The following DNM3 variants were observed in gnomAD, a reference collection of about 807,000 sequenced individuals.
The protein encoded by DNM3 is dynamin-3.
DNM3 carries 47 observed loss-of-function variants against 101.6 expected under a neutral mutation model. The observed-to-expected ratio is 0.46, with a 90% CI of 0.37 to 0.59. DNM3 has a LOEUF of 0.59. Ranked by LOEUF, DNM3 falls within the 20% of genes least tolerant of loss-of-function variation. The pLI is 0.00. For missense variants in DNM3, 849 were observed against 1,085.7 expected (o/e 0.78, Z 3.06); for synonymous variants, 385 against 387.9 (o/e 0.99, Z 0.09).
chr1:172,378,576 A>C (rs1558063667), intron 17 of DNM3, among the ~76,000 whole-genome samples: 1 of 152,084 alleles, frequency 6.6e-6, no homozygotes, highest in Non-Finnish European at 1.5e-5. Context: ...GATCCATCCC[A>C]GAGCAGACCT....
chr1:172,059,602 T>G (rs1393928440), intron 10 of DNM3, among the ~76,000 whole-genome samples: 1 of 79,406 alleles, frequency 1.3e-5, no homozygotes, highest in Non-Finnish European at 2.3e-5. Flanking sequence ...AACCACATGA[T>G]TATCTCAATA....
chr1:171,940,514 T>C (rs551193964), intron 2 of DNM3, among the ~76,000 whole-genome samples: 11 of 152,310 alleles, frequency 7.2e-5, no homozygotes, highest in African/African-American at 2.6e-4. Flanking sequence ...TGGATGGGAT[T>C]GTTTCCCTCA....
At chr1:172,315,550 G>A (rs2065297238) in intron 16 of DNM3, among the ~76,000 whole-genome samples, 1 of 152,224 alleles carries the variant, frequency 6.6e-6, no homozygotes, top group South Asian at 2.1e-4. Context: ...TAAAGGAGCT[G>A]ATGGAGCTGA....
At chr1:172,280,922 T>A (rs992280870) in intron 15 of DNM3, among the ~76,000 whole-genome samples, 1 of 152,092 alleles carries the variant, frequency 6.6e-6, no homozygotes, top group African/African-American at 2.4e-5. Flanking sequence ...AAGGACTAGA[T>A]AAAAGTGGCA....
chr1:172,180,744 C>T (rs2059314946), intron 14 of DNM3, among the ~76,000 whole-genome samples: 1 of 152,100 alleles, frequency 6.6e-6, no homozygotes, highest in African/African-American at 2.4e-5. Flanking sequence ...CCAGTTTCCT[C>T]CCAATACTGA....
chr1:172,008,519 A>T (rs1171601034), intron 4 of DNM3, among the ~76,000 whole-genome samples: 1 of 148,050 alleles, frequency 6.8e-6, no homozygotes, highest in Non-Finnish European at 1.5e-5. Flanking sequence ...CTGTGCGTGG[A>T]TTTATTTCTG....
chr1:172,157,778 G>T (rs1016430639), intron 14 of DNM3, among the ~76,000 whole-genome samples: 1 of 152,058 alleles, frequency 6.6e-6, no homozygotes, highest in Non-Finnish European at 1.5e-5. Flanking sequence ...ATGTACATAG[G>T]TTGTATGCAA....
intron 14 of DNM3, among the ~76,000 whole-genome samples, chr1:172,134,862 G>A (rs1201558651): frequency 6.6e-6 from 1 of 152,080 alleles, no homozygotes; most frequent in Non-Finnish European, 1.5e-5. Context: ...AATTTAAGGA[G>A]GGTAATTAAG....
rs761052651 is a variant in DNM3, at chr1:172,068,883, G to A, written c.1400G>A (p.Arg467Gln). The change falls in exon 11 of 21, where the codon CGA (arginine) becomes CAA (glutamine). Residue 467 changes from arginine (R) to glutamine (Q), a missense_variant. Arg to Gln is a conservative substitution (Grantham distance 43). Transcript: ENST00000627582. ...ERIVANHIRE[R>Q]EGKTKDQVLL... Reference sequence around the variant, plus strand: ...ATTGTTGCTAACCACATTCGTGAGCGAGAAGGGAAGACAAAGGACCAGGTA... The same window carrying A: ...ATTGTTGCTAACCACATTCGTGAGCAAGAAGGGAAGACAAAGGACCAGGTA... The A allele has an allele frequency of 7.7e-6, 12 of 1,565,948 alleles. No homozygotes were observed. The highest frequency in any genetic ancestry group is 7.1e-5 in the East Asian group (3 of 42,316).
At chr1:172,116,372 C>G (rs1209530657) in intron 13 of DNM3, among the ~76,000 whole-genome samples, 1 of 152,224 alleles carries the variant, frequency 6.6e-6, no homozygotes, top group Non-Finnish European at 1.5e-5. Flanking sequence ...GACTTCTGCA[C>G]TCATCATCCC....
chr1:172,095,021 G>A (rs1006213816), intron 13 of DNM3, among the ~76,000 whole-genome samples: 1 of 152,162 alleles, frequency 6.6e-6, no homozygotes, highest in African/African-American at 2.4e-5. Flanking sequence ...CATGCTAATT[G>A]TGTTTCTGTG....
chr1:171,992,118 A>G (rs2045674356), intron 4 of DNM3, among the ~76,000 whole-genome samples: 1 of 152,192 alleles, frequency 6.6e-6, no homozygotes, highest in African/African-American at 2.4e-5. Flanking sequence ...ATAAATGTAA[A>G]CTAAAAAAAT....
intron 17 of DNM3, among the ~76,000 whole-genome samples, chr1:172,334,908 C>G (rs2066351462): frequency 1.3e-5 from 2 of 152,088 alleles, no homozygotes; most frequent in Admixed American, 1.3e-4. Flanking sequence ...TATGTGCTTC[C>G]TCTAAAAGCC....
chr1:172,391,707 A>C (rs1189185336), intron 20 of DNM3, among the ~76,000 whole-genome samples: 1 of 152,104 alleles, frequency 6.6e-6, no homozygotes, highest in Non-Finnish European at 1.5e-5. Context: ...CAGAGAAGGA[A>C]GTTTGATTTT....
chr1:171,972,710 G>C (rs1027064310), intron 2 of DNM3, among the ~76,000 whole-genome samples: 1 of 152,132 alleles, frequency 6.6e-6, no homozygotes, highest in African/African-American at 2.4e-5. Flanking sequence ...TCAGCCGGGC[G>C]TGGTGGCGCA....
chr1:172,007,599 A>G (rs2046783259), intron 4 of DNM3, among the ~76,000 whole-genome samples: 1 of 152,070 alleles, frequency 6.6e-6, no homozygotes, highest in Admixed American at 6.6e-5. Context: ...CTTTAACTGT[A>G]TCTTTTGAAG....
chr1:172,308,632 G>T, intron 15 of DNM3, 96 bp from the exon 16 acceptor site: 1 of 495,636 alleles, frequency 2.0e-6, no homozygotes, highest in African/African-American at 2.0e-5. Flanking sequence ...CTGTCCATTT[G>T]GATTGTCACT....
chr1:172,023,776 T>G (rs942705965), intron 4 of DNM3, among the ~76,000 whole-genome samples: 1 of 152,112 alleles, frequency 6.6e-6, no homozygotes, highest in African/African-American at 2.4e-5. Flanking sequence ...CTGTTTGATT[T>G]TCTCTCTTTG....
At chr1:172,078,157 A>G (rs1003292013) in intron 11 of DNM3, among the ~76,000 whole-genome samples, 3 of 152,008 alleles carry the variant, frequency 2.0e-5, no homozygotes, top group Admixed American at 1.3e-4. Context: ...CAGTGGCGCA[A>G]TCTCAGCTCA....
Sources: gnomAD v4.1 joint callset for allele counts (sites outside exome capture counted in the v4.1 genomes callset) on GRCh38, gnomAD v4.1.1 for gene constraint, MANE v1.5 for transcripts, NCBI Gene and HGNC (gene_info 2026-07-23, HGNC 2026-07-21) for gene names.